The following FBXW11 variants were observed in gnomAD, a reference collection of about 807,000 sequenced individuals.
FBXW11 encodes the protein F-box and WD repeat domain containing 11.
Under a neutral mutation model 77.6 loss-of-function variants are expected in FBXW11, and 19 were observed. The observed-to-expected ratio is 0.24, with a 90% CI of 0.17 to 0.36. The LOEUF (loss-of-function observed/expected upper bound fraction) is 0.36, where lower values mean the gene tolerates loss of function less well. FBXW11 is among the 10% of genes least tolerant of loss of function. FBXW11 has a pLI of 1.00. For synonymous variants in FBXW11, 235 were observed against 249.4 expected (o/e 0.94, Z 0.54); for missense variants, 334 against 704.2 (o/e 0.47, Z 5.95).
intron 2 of FBXW11, among the ~76,000 whole-genome samples, chr5:171,943,454 ATCT>A (rs1762848336): frequency 6.6e-6 from 1 of 151,938 alleles, no homozygotes; most frequent in South Asian, 2.1e-4. Flanking sequence ...AGCAGCACAG[ATCT>A]TCTTTTTTAG....
intron 1 of FBXW11, 69 bp downstream of exon 1, chr5:172,006,389 G>A: frequency 2.9e-6 from 4 of 1,390,332 alleles, no homozygotes; most frequent in South Asian, 1.4e-5. Context: ...CGCACCGGAC[G>A]TTGAGGTGGG....
intron 1 of FBXW11, among the ~76,000 whole-genome samples, chr5:171,995,086 T>G (rs1561759183): frequency 6.6e-6 from 1 of 152,210 alleles, no homozygotes; most frequent in Non-Finnish European, 1.5e-5. Flanking sequence ...AAGAAAATTT[T>G]TTTAAGATGA....
intron 2 of FBXW11, among the ~76,000 whole-genome samples, chr5:171,933,846 T>C (rs1349822952): frequency 2.0e-5 from 3 of 151,794 alleles, no homozygotes; most frequent in Non-Finnish European, 4.4e-5. Context: ...GCAATTTTCA[T>C]CTATTTAAAA....
chr5:171,869,957 AT>A lies in FBXW11; in HGVS notation c.1452-151del. The stretch of plus-strand genomic sequence containing the variant: ...ATGTTTTTACAAATCATCTGAACCA[AT>A]TACACTTGATTTTGGAAAAATTAAG... On this transcript the variant is annotated intron_variant, in intron 11 of 13. Transcript: ENST00000517395. The surrounding 1 kb of genome is among the most constrained non-coding windows in gnomAD (Gnocchi z 4.1). 1 of 451,406 alleles carries A rather than the reference AT, an allele frequency of 2.2e-6. No homozygotes were observed. Among genetic ancestry groups the A allele is most frequent in the Non-Finnish European group, 4.1e-6 (1 of 246,408 alleles). The allele number at this position is 451,406 out of a possible 1,614,324, so 28.0% of individuals were successfully genotyped here. A position where few individuals can be genotyped will look rare whatever the true frequency, so the allele number is the denominator to read the frequency against.
chr5:171,872,640 G>A (rs765886905), intron 10 of FBXW11, among the ~76,000 whole-genome samples: 1 of 152,226 alleles, frequency 6.6e-6, no homozygotes, highest in African/African-American at 2.4e-5. Context: ...CCCAGGTGGA[G>A]CTGAGGTTAA....
intron 3 of FBXW11, among the ~76,000 whole-genome samples, chr5:171,912,229 A>G (rs756121508): frequency 2.0e-4 from 30 of 152,200 alleles, no homozygotes; most frequent in Non-Finnish European, 1.9e-4. Flanking sequence ...ATGGGAAGGC[A>G]TCTATCTTCC....
Position 171,872,929 on chromosome 5 carries a change from G to A in FBXW11, c.1283C>T (p.Ala428Val), listed in dbSNP as rs780292305. 6.2e-7 allele frequency: 1 copy of A among 1,614,100 alleles called. No homozygotes were observed. The highest frequency in any genetic ancestry group is 8.5e-7 in the Non-Finnish European group (1 of 1,179,994). ...RTLNGHKRGI[A>V]CLQYRDRLVV... ...CAGGCGATCCCTGTACTGGAGACAG[G>A]CAATGCCCCGCTTGTGCCCATTGAG... The change falls in exon 10 of 14, where the codon GCC becomes GTC. Residue 428 changes from alanine to valine, a missense_variant. Transcript: ENST00000517395.
intron 7 of FBXW11, among the ~76,000 whole-genome samples, chr5:171,885,342 C>T (rs1758808713): frequency 6.6e-6 from 1 of 152,154 alleles, no homozygotes; most frequent in Non-Finnish European, 1.5e-5. Context: ...ACTGGGTCCT[C>T]CTCAGTTTAT....
intron 1 of FBXW11, among the ~76,000 whole-genome samples, chr5:171,990,168 G>C (rs1205281152): frequency 6.6e-6 from 1 of 150,702 alleles, no homozygotes; most frequent in Admixed American, 6.6e-5. Flanking sequence ...AGAAGGGAGG[G>C]GGGTAGCAGA....
intron 1 of FBXW11, among the ~76,000 whole-genome samples, chr5:172,001,160 C>T (rs987178663): frequency 2.6e-5 from 4 of 152,176 alleles, no homozygotes; most frequent in Non-Finnish European, 5.9e-5. Flanking sequence ...AAAAGGAAAT[C>T]TTAAAAGGTT....
chr5:171,985,059 GCA>G (rs751075874), intron 1 of FBXW11, among the ~76,000 whole-genome samples: 14 of 152,020 alleles, frequency 9.2e-5, no homozygotes, highest in Non-Finnish European at 1.8e-4. Context: ...ACACATATAC[GCA>G]CAGCTATCAA....
At chr5:172,004,004 C>G (rs1255779235) in intron 1 of FBXW11, among the ~76,000 whole-genome samples, 1 of 152,150 alleles carries the variant, frequency 6.6e-6, no homozygotes, top group African/African-American at 2.4e-5. Flanking sequence ...ATATTTCATG[C>G]TTTAGGCTTT....
At chr5:171,925,998 T>C (rs1404330043) in intron 2 of FBXW11, among the ~76,000 whole-genome samples, 1 of 152,214 alleles carries the variant, frequency 6.6e-6, no homozygotes, top group Non-Finnish European at 1.5e-5. Flanking sequence ...AATCTCATCT[T>C]TACAAATAAA....
intron 2 of FBXW11, among the ~76,000 whole-genome samples, chr5:171,927,934 C>T (rs1046951836): frequency 5.9e-5 from 9 of 152,162 alleles, no homozygotes; most frequent in African/African-American, 1.4e-4. Flanking sequence ...CTTCATACTA[C>T]AAGTTATTAA....
chr5:171,960,539 G>C (rs892427189), intron 1 of FBXW11, among the ~76,000 whole-genome samples: 1 of 152,104 alleles, frequency 6.6e-6, no homozygotes, highest in Non-Finnish European at 1.5e-5. Context: ...GAAAGCATAA[G>C]GTATTGATTA....
chr5:171,891,322 A>G, intron 7 of FBXW11, 145 bp downstream of exon 7: 1 of 629,242 alleles, frequency 1.6e-6, no homozygotes, highest in Non-Finnish European at 2.5e-6. Flanking sequence ...CTCTGGCTCT[A>G]GTTCTTTAGA....
At chr5:172,005,776 G>C (rs1349207555) in intron 1 of FBXW11, among the ~76,000 whole-genome samples, 1 of 152,158 alleles carries the variant, frequency 6.6e-6, no homozygotes, top group African/African-American at 2.4e-5. Context: ...TTTCCTGGAG[G>C]ATGGAATCCA....
chr5:171,995,978 A>G (rs1766022408), intron 1 of FBXW11, among the ~76,000 whole-genome samples: 1 of 152,186 alleles, frequency 6.6e-6, no homozygotes, highest in South Asian at 2.1e-4. Context: ...TCTACCATTT[A>G]CTAGCTGTAT....
At position 171,898,148 on chromosome 5, in the gene FBXW11, T is replaced by C. The variant is rs561888230; in HGVS notation, c.714+856A>G. ...TATTCACATCTGCCTGGAAGGGTGG[T>C]GGGGTCTGAAAAAGCACATGTTTCT... On this transcript the variant is annotated intron_variant, in intron 6 of 13. Coordinates refer to ENST00000517395, the MANE Select transcript of FBXW11 (RefSeq NM_001378974.1). Among the ~76,000 whole-genome samples the C allele has an allele frequency of 7.2e-5, 11 of 152,268 alleles. No homozygotes were observed. The East Asian group carries it at 1.9e-3, about 27-fold the overall frequency.
Sources: gnomAD v4.1 joint callset for allele counts (sites outside exome capture counted in the v4.1 genomes callset) on GRCh38, gnomAD v4.1.1 for gene constraint, Gnocchi (gnomAD v3.1) non-coding constraint, MANE v1.5 for transcripts, NCBI Gene and HGNC (gene_info 2026-07-23, HGNC 2026-07-21) for gene names.